The following SEPTIN9 variants were observed in gnomAD, a reference collection of about 807,000 sequenced individuals.
SEPTIN9 encodes the protein septin 9, also known as septin-9.
In SEPTIN9, 13 loss-of-function variants were observed where a neutral mutation model predicts 56.6. That is an observed-to-expected ratio of 0.23 (90% CI 0.15 to 0.37). The LOEUF (loss-of-function observed/expected upper bound fraction) is 0.37, where lower values mean the gene tolerates loss of function less well. Among genes scored for constraint, SEPTIN9 ranks in the 10% least tolerant of loss-of-function variants. The pLI, the probability that SEPTIN9 is intolerant of heterozygous loss-of-function variation, is 1.00. For synonymous variants in SEPTIN9, 332 were observed against 334.1 expected (o/e 0.99, Z 0.07); for missense variants, 650 against 823.1 (o/e 0.79, Z 2.57).
At chr17:77,302,798 C>G (rs189640217) in intron 1 of SEPTIN9, among the ~76,000 whole-genome samples, 12 of 152,248 alleles carry the variant, frequency 7.9e-5, no homozygotes, top group African/African-American at 2.6e-4. Context: ...GGCAAAAGAG[C>G]AGGGAGGGCA....
chr17:77,452,680 A>G (rs958165923), intron 3 of SEPTIN9, among the ~76,000 whole-genome samples: 1 of 152,008 alleles, frequency 6.6e-6, no homozygotes, highest in Non-Finnish European at 1.5e-5. Flanking sequence ...ACCCGTTGGA[A>G]GAGGAGGAAG....
rs1312721373 is a variant in SEPTIN9 at position 77,433,401 on chromosome 17, C to A, written c.721+30698C>A. ...GGTGGGGCTGGGTGCGAGGACCCCCCCCGGCCAACAGGGTCTGCTTAGGTG... is the reference window on the plus strand; with the variant it reads ...GGTGGGGCTGGGTGCGAGGACCCCCACCGGCCAACAGGGTCTGCTTAGGTG... On this transcript the variant is annotated intron_variant, in intron 3 of 11. Transcript: ENST00000427177. The surrounding 1 kb of genome is among the most constrained non-coding windows in gnomAD (Gnocchi z 6.4). Among the ~76,000 whole-genome samples the A allele has an allele frequency of 6.6e-6, 1 of 152,110 alleles. No homozygotes were observed. Among genetic ancestry groups the A allele is most frequent in the East Asian group, 1.9e-4 (1 of 5,194 alleles).
chr17:77,484,870 T>G (rs531558555), intron 4 of SEPTIN9, among the ~76,000 whole-genome samples: 29 of 77,602 alleles, frequency 3.7e-4, no homozygotes, highest in South Asian at 9.6e-4. Flanking sequence ...TGGTGGTGAT[T>G]GTGATGGTTG....
chr17:77,409,850 C>G (rs1441099778), intron 3 of SEPTIN9, among the ~76,000 whole-genome samples: 1 of 152,226 alleles, frequency 6.6e-6, no homozygotes, highest in Non-Finnish European at 1.5e-5. Flanking sequence ...GGAGCGCACT[C>G]AGACTCCCCG....
chr17:77,419,152 G>A (rs961266267), intron 3 of SEPTIN9, among the ~76,000 whole-genome samples: 69 of 152,200 alleles, frequency 4.5e-4, no homozygotes, highest in Non-Finnish European at 4.4e-5. Flanking sequence ...GGGAACCCCC[G>A]AGGGGAGGGA....
intron 3 of SEPTIN9, among the ~76,000 whole-genome samples, chr17:77,418,488 G>A (rs753308673): frequency 6.6e-5 from 10 of 152,136 alleles, no homozygotes; most frequent in South Asian, 2.1e-4. Context: ...GACTACAGGC[G>A]CGTGTCACCA....
intron 3 of SEPTIN9, among the ~76,000 whole-genome samples, chr17:77,465,706 G>A (rs1387867963): frequency 6.6e-6 from 1 of 152,174 alleles, no homozygotes; most frequent in African/African-American, 2.4e-5. Context: ...TTGCCTGTTG[G>A]AGCCCAGAAC....
rs8068692 is a variant in SEPTIN9 at position 77,466,370 on chromosome 17, C to T, written c.722-15774C>T. On this transcript the variant is annotated intron_variant, in intron 3 of 11. Coordinates refer to ENST00000427177, the MANE Select transcript of SEPTIN9 (RefSeq NM_001113491.2). Reference sequence around the variant, plus strand: ...CCCTCCCAGCCTTGGGAGAAATTACCATATGAATGTAGCTCCTTCCCGGAG... The same window carrying T: ...CCCTCCCAGCCTTGGGAGAAATTACTATATGAATGTAGCTCCTTCCCGGAG... The T allele has an allele frequency of 7.9e-4, 773 of 984,576 alleles. 5 individuals carry two copies. The African/African-American group carries it at 0.013, about 16-fold the overall frequency. The allele number at this position is 984,576 out of a possible 1,614,324, so 61.0% of individuals were successfully genotyped here.
Position 77,445,228 on chromosome 17 carries a change from C to G in SEPTIN9, c.722-36916C>G. 1 of 470,948 alleles carries G rather than the reference C, an allele frequency of 2.1e-6. No individual in the cohort carries two copies. Among genetic ancestry groups the G allele is most frequent in the Non-Finnish European group, 4.4e-6 (1 of 227,048 alleles). The allele number at this position is 470,948 out of a possible 1,614,324, so 29.2% of individuals were successfully genotyped here. ...AAATGTGGGCTGCCTCGGGGCGTCA[C>G]AGCTACAAATGCATACCAGCCCTCA... On this transcript the variant is annotated intron_variant, in intron 3 of 11. Coordinates refer to ENST00000427177, the MANE Select transcript of SEPTIN9 (RefSeq NM_001113491.2). This position sits in a 1 kb window ranked among gnomAD's most constrained non-coding sequence, Gnocchi z 4.7.
intron 3 of SEPTIN9, among the ~76,000 whole-genome samples, chr17:77,457,652 C>G (rs549774500): frequency 1.5e-4 from 23 of 152,324 alleles, no homozygotes; most frequent in African/African-American, 5.5e-4. Context: ...GTGGTGGAAA[C>G]ATGGGGTTCA....
At chr17:77,390,266 G>A (rs1486911156) in intron 2 of SEPTIN9, among the ~76,000 whole-genome samples, 1 of 147,088 alleles carries the variant, frequency 6.8e-6, no homozygotes, top group Non-Finnish European at 1.5e-5. Flanking sequence ...AGAATGGCAT[G>A]AACCCGGGAG....
At chr17:77,406,652 G>GT (rs374262498) in intron 3 of SEPTIN9, among the ~76,000 whole-genome samples, 94 of 148,756 alleles carry the variant, frequency 6.3e-4, no homozygotes, top group African/African-American at 1.6e-3. Context: ...TGTTGTCTTT[G>GT]TTTTTTTTTG....
Position 77,402,016 on chromosome 17 carries a change from A to G in SEPTIN9, c.77-43A>G. 1 of 1,589,530 alleles carries G rather than the reference A, an allele frequency of 6.3e-7. No individual in the cohort carries two copies. The highest frequency in any genetic ancestry group is 2.2e-5 in the East Asian group (1 of 44,590). On this transcript the variant is annotated intron_variant, in intron 2 of 11. Transcript: ENST00000427177. The surrounding 1 kb of genome is among the most constrained non-coding windows in gnomAD (Gnocchi z 6.6). ...CAGGAAACATGCCGGAGTGTTCCCT[A>G]GCCATCCATTCACCAATTGCATCCC...
In SEPTIN9 at chr17:77,475,566, G is replaced by A. The variant is rs762713740; in HGVS notation, c.722-6578G>A. The A allele has an allele frequency of 1.2e-5, 19 of 1,613,252 alleles. No individual in the cohort carries two copies. The highest frequency in any genetic ancestry group is 1.7e-4 in the Middle Eastern group (1 of 5,988). On this transcript the variant is annotated intron_variant, in intron 3 of 11. Coordinates refer to ENST00000427177, the MANE Select transcript of SEPTIN9 (RefSeq NM_001113491.2). The surrounding 1 kb of genome is among the most constrained non-coding windows in gnomAD (Gnocchi z 4.6). ...GCCTGCAGGTGGCCGTAGGGCTGCC[G>A]CAGGGGTGCTGGCCCCAGGGTCTGG... is the stretch of plus-strand genomic sequence containing the variant.
chr17:77,306,489 C>G (rs571117724), intron 1 of SEPTIN9, among the ~76,000 whole-genome samples: 1 of 152,360 alleles, frequency 6.6e-6, no homozygotes, highest in African/African-American at 2.4e-5. Flanking sequence ...AACAAGCAGC[C>G]CCAGGCCAAG....
chr17:77,354,087 T>C (rs2034146199), intron 2 of SEPTIN9, among the ~76,000 whole-genome samples: 3 of 152,316 alleles, frequency 2.0e-5, no homozygotes, highest in Admixed American at 6.5e-5. Context: ...CAGCTCTTGA[T>C]GCTCACGGTG....
chr17:77,473,528 G>A (rs531391768), intron 3 of SEPTIN9, among the ~76,000 whole-genome samples: 1 of 152,224 alleles, frequency 6.6e-6, no homozygotes, highest in South Asian at 2.1e-4. Flanking sequence ...GGGATCCACG[G>A]GCCTAGGGAT....
At position 77,322,686 on chromosome 17, in the gene SEPTIN9, G is replaced by T. The variant is rs2279973; in HGVS notation, c.76+15489G>T. The T allele has an allele frequency of 0.011, 1,727 of 152,372 alleles. 129 individuals carry two copies. The East Asian group carries it at 0.19, about 17-fold the overall frequency. 9.4% of individuals were successfully genotyped at this position (152,372 alleles called of 1,614,324 possible). ...CATCTGCAAGGTGAGGGGTGGGAGC[G>T]GCACGGCCCCTAGGCAGCGCCCCCA... is the stretch of plus-strand genomic sequence containing the variant. On this transcript the variant is annotated intron_variant, in intron 2 of 11. Coordinates refer to ENST00000427177, the MANE Select transcript of SEPTIN9 (RefSeq NM_001113491.2).
chr17:77,325,470 G>C (rs1368702252), intron 2 of SEPTIN9, among the ~76,000 whole-genome samples: 3 of 152,230 alleles, frequency 2.0e-5, no homozygotes, highest in Admixed American at 2.0e-4. Context: ...AGGCCAGCCA[G>C]GGAGTCTCAG....
Sources: gnomAD v4.1 joint callset for allele counts (sites outside exome capture counted in the v4.1 genomes callset) on GRCh38, gnomAD v4.1.1 for gene constraint, Gnocchi (gnomAD v3.1) non-coding constraint, MANE v1.5 for transcripts, NCBI Gene and HGNC (gene_info 2026-07-23, HGNC 2026-07-21) for gene names.